The following TMEM131L variants were observed in gnomAD, a reference collection of about 807,000 sequenced individuals.
The protein encoded by TMEM131L is transmembrane 131 like, also known as transmembrane protein 131-like.
Under a neutral mutation model 192.2 loss-of-function variants are expected in TMEM131L, and 54 were observed. The observed-to-expected ratio is 0.28, with a 90% confidence interval of 0.23 to 0.35. The LOEUF is 0.35. Ranked by LOEUF, TMEM131L falls within the 10% of genes least tolerant of loss-of-function variation. The pLI, the probability that TMEM131L is intolerant of heterozygous loss-of-function variation, is 1.00. For synonymous variants in TMEM131L, 701 were observed against 704.9 expected, an observed-to-expected ratio of 0.99 and a Z score of 0.09; for missense variants, 1,888 against 1,972.9, an observed-to-expected ratio of 0.96 and a Z score of 0.82.
At chr4:153,589,936 A>G (rs936987729) in intron 16 of TMEM131L, among the ~76,000 whole-genome samples, 2 of 152,214 alleles carry the variant, frequency 1.3e-5, no homozygotes, top group Admixed American at 1.3e-4. Context: ...TCAACTCTCA[A>G]TACTTTATTA....
chr4:153,570,061 G>A (rs1488972312), intron 7 of TMEM131L, among the ~76,000 whole-genome samples: 3 of 152,030 alleles, frequency 2.0e-5, no homozygotes, highest in Non-Finnish European at 4.4e-5. Context: ...CCTCTGTGCA[G>A]CTGGGGAACT....
intron 3 of TMEM131L, among the ~76,000 whole-genome samples, chr4:153,490,492 G>GT (rs1732690227): frequency 6.6e-6 from 1 of 152,170 alleles, no homozygotes; most frequent in Non-Finnish European, 1.5e-5. Context: ...TTGAAAGTAT[G>GT]TTTAGGGAGC....
At chr4:153,631,108 C>G (rs1187383561) in intron 31 of TMEM131L, among the ~76,000 whole-genome samples, 2 of 152,224 alleles carry the variant, frequency 1.3e-5, no homozygotes, top group Non-Finnish European at 2.9e-5. Flanking sequence ...GCCCACTGAT[C>G]AAAATGGTTG....
chr4:153,502,040 A>G (rs1380703834), intron 3 of TMEM131L, among the ~76,000 whole-genome samples: 2 of 149,190 alleles, frequency 1.3e-5, no homozygotes, highest in Non-Finnish European at 3.0e-5. Flanking sequence ...CAACCTTAAC[A>G]TTCAGGGCTC....
chr4:153,493,456 C>T (rs1172159070), intron 3 of TMEM131L, among the ~76,000 whole-genome samples: 1 of 151,242 alleles, frequency 6.6e-6, no homozygotes, highest in Non-Finnish European at 1.5e-5. Flanking sequence ...GTCAGGAGTT[C>T]GAGACCAGCC....
intron 3 of TMEM131L, among the ~76,000 whole-genome samples, chr4:153,540,270 C>T (rs1034022175): frequency 2.0e-5 from 3 of 152,136 alleles, no homozygotes; most frequent in African/African-American, 4.8e-5. Context: ...TTTTGTACTT[C>T]ACTTTTTATC....
At chr4:153,562,077 G>T (rs539594677) in intron 7 of TMEM131L, among the ~76,000 whole-genome samples, 2 of 144,136 alleles carry the variant, frequency 1.4e-5, no homozygotes, top group African/African-American at 2.6e-5. Flanking sequence ...TTGCTCTATT[G>T]CCTAGGCTAG....
chr4:153,489,876 G>GA (rs895737489), intron 3 of TMEM131L, among the ~76,000 whole-genome samples: 8 of 151,958 alleles, frequency 5.3e-5, no homozygotes, highest in Middle Eastern at 3.2e-3. Context: ...TCAGAATTCA[G>GA]AAAAAAGCGA....
intron 3 of TMEM131L, among the ~76,000 whole-genome samples, chr4:153,528,507 G>T (rs574763500): frequency 6.6e-6 from 1 of 152,212 alleles, no homozygotes; most frequent in South Asian, 2.1e-4. Flanking sequence ...TCACAATAAG[G>T]TAAGAAAAAG....
At chr4:153,617,717 C>T (rs190795984) in intron 26 of TMEM131L, among the ~76,000 whole-genome samples, 253 of 152,322 alleles carry the variant, frequency 1.7e-3, no homozygotes, top group African/African-American at 5.7e-3. Flanking sequence ...ATCCTGCTTC[C>T]CCAGCCATTT....
At chr4:153,606,291 C>T (rs1355425626) in intron 25 of TMEM131L, among the ~76,000 whole-genome samples, 4 of 152,140 alleles carry the variant, frequency 2.6e-5, no homozygotes, top group African/African-American at 7.2e-5. Context: ...TGACTTTGCA[C>T]ACACTTGAAA....
intron 4 of TMEM131L, among the ~76,000 whole-genome samples, chr4:153,552,469 G>T (rs1737699852): frequency 6.6e-6 from 1 of 152,104 alleles, no homozygotes; most frequent in African/African-American, 2.4e-5. Context: ...GACCCCCATG[G>T]ATACCAAAAG....
Position 153,632,590 on chromosome 4 carries a change from G to A in TMEM131L, c.4208-128G>A, listed in dbSNP as rs184152895. 1.1e-5 allele frequency: 11 copies of A among 958,244 alleles called. 1 individual carries two copies. The highest frequency in any genetic ancestry group is 1.0e-4 in the South Asian group (6 of 59,808). The allele number at this position is 958,244 out of a possible 1,614,324, so 59.4% of individuals were successfully genotyped here. ...GAATTATATCCTGAAATTATATTCC[G>A]AAAGGAGTTAGTCAGCATGTGTGGG... On this transcript the variant is annotated intron_variant, in intron 31 of 34. Coordinates refer to ENST00000409959, the MANE Select transcript of TMEM131L (RefSeq NM_001131007.2).
At chr4:153,541,734 A>G (rs1736793107) in intron 3 of TMEM131L, among the ~76,000 whole-genome samples, 1 of 152,214 alleles carries the variant, frequency 6.6e-6, no homozygotes, top group Non-Finnish European at 1.5e-5. Context: ...CAGAATCTCT[A>G]GGAAGACCAA....
intron 7 of TMEM131L, among the ~76,000 whole-genome samples, chr4:153,561,908 C>A (rs1051422412): frequency 6.6e-6 from 1 of 151,198 alleles, no homozygotes; most frequent in African/African-American, 2.4e-5. Context: ...GTAGATGAAA[C>A]TTAATTTTTT....
intron 3 of TMEM131L, among the ~76,000 whole-genome samples, chr4:153,475,795 C>T (rs28888216): frequency 0.15 from 22,109 of 151,974 alleles, 3,728 homozygotes; most frequent in African/African-American, 0.41. Flanking sequence ...TTATTAGTAA[C>T]CTAGAGATGA....
At chr4:153,545,624 G>C (rs1045815855) in intron 3 of TMEM131L, among the ~76,000 whole-genome samples, 1 of 152,008 alleles carries the variant, frequency 6.6e-6, no homozygotes, top group Admixed American at 6.6e-5. Flanking sequence ...AGAAAAAAAT[G>C]TGGCCAAAGT....
intron 3 of TMEM131L, among the ~76,000 whole-genome samples, chr4:153,490,355 T>C (rs1252744093): frequency 6.6e-6 from 1 of 152,202 alleles, no homozygotes; most frequent in Non-Finnish European, 1.5e-5. Context: ...GTGACTACTC[T>C]AGTCATTAGA....
Position 153,533,183 on chromosome 4 carries a change from C to G in TMEM131L, c.240-16890C>G, listed in dbSNP as rs148817330. Among the ~76,000 whole-genome samples, 583 of 152,200 alleles carry G rather than the reference C, an allele frequency of 3.8e-3. 5 individuals carry two copies. The highest frequency in any genetic ancestry group is 0.013 in the African/African-American group (558 of 41,520). On this transcript the variant is annotated intron_variant, in intron 3 of 34. Coordinates refer to ENST00000409959, the MANE Select transcript of TMEM131L (RefSeq NM_001131007.2). ...GTATTTTTGTAGAGACGGGGTTTCT[C>G]CATGTTGGTCAGGCTGGTCTCGAAC...
Sources: gnomAD v4.1 joint callset for allele counts (sites outside exome capture counted in the v4.1 genomes callset) on GRCh38, gnomAD v4.1.1 for gene constraint, MANE v1.5 for transcripts, NCBI Gene and HGNC (gene_info 2026-07-23, HGNC 2026-07-21) for gene names.